Variants in CDC42BPA observed in about 807,000 individuals in gnomAD.
CDC42BPA encodes the protein serine/threonine-protein kinase MRCK alpha.
A neutral mutation model predicts 223.5 loss-of-function variants in CDC42BPA; 80 were observed. The observed-to-expected ratio is 0.36, with a 90% CI of 0.30 to 0.43. CDC42BPA has a LOEUF of 0.43. Ranked by LOEUF, CDC42BPA falls within the 20% of genes least tolerant of loss-of-function variation. The probability of loss-of-function intolerance (pLI) is 1.00; values close to 1 mark genes in which losing one functional copy is unlikely to be tolerated. For synonymous variants in CDC42BPA, 694 were observed against 718.6 expected (o/e 0.97, Z 0.55); for missense variants, 1,743 against 2,099.9 (o/e 0.83, Z 3.32).
chr1:227,288,680 AC>A (rs1167806996), intron 1 of CDC42BPA, among the ~76,000 whole-genome samples: 1 of 151,276 alleles, frequency 6.6e-6, no homozygotes, highest in Non-Finnish European at 1.5e-5. Flanking sequence ...TGGGTGACAG[AC>A]CAAGACTCGG....
At chr1:227,080,816 G>A (rs1680475100) in intron 17 of CDC42BPA, 77 bp downstream of exon 17, 2 of 1,505,740 alleles carry the variant, frequency 1.3e-6, no homozygotes, top group Non-Finnish European at 9.2e-7. Context: ...ACCATTATTA[G>A]TAGCCACCTG....
At chr1:227,033,461 G>GT (rs754009718) in intron 26 of CDC42BPA, 46 bp from the exon 27 acceptor site, 2 of 1,324,878 alleles carry the variant, frequency 1.5e-6, no homozygotes, top group Non-Finnish European at 2.2e-6. Flanking sequence ...GTGGCTATGT[G>GT]TGTGTGGTTT....
At chr1:227,224,243 T>G (rs1050334633) in intron 2 of CDC42BPA, among the ~76,000 whole-genome samples, 1 of 151,892 alleles carries the variant, frequency 6.6e-6, no homozygotes, top group African/African-American at 2.4e-5. Context: ...TCCTTTTTTT[T>G]TTTTTTTGAG....
intron 1 of CDC42BPA, among the ~76,000 whole-genome samples, chr1:227,265,550 AT>A (rs1421804208): frequency 2.6e-5 from 4 of 151,756 alleles, no homozygotes; most frequent in African/African-American, 9.7e-5. Flanking sequence ...TATCGCTTGA[AT>A]CCGGGAGGTG....
chr1:227,195,382 C>T (rs539690127), intron 4 of CDC42BPA, among the ~76,000 whole-genome samples: 59 of 152,182 alleles, frequency 3.9e-4, no homozygotes, highest in Non-Finnish European at 6.3e-4. Flanking sequence ...TTAGTAGAGA[C>T]GGGGTTTCAC....
At chr1:227,095,347 T>G (rs1683786757) in intron 15 of CDC42BPA, among the ~76,000 whole-genome samples, 1 of 152,150 alleles carries the variant, frequency 6.6e-6, no homozygotes, top group African/African-American at 2.4e-5. Flanking sequence ...AACCACAAAA[T>G]GATTCCTTGT....
chr1:227,189,707 GCAAATTTTTT>G (rs1669400666), intron 5 of CDC42BPA, among the ~76,000 whole-genome samples: 1 of 152,018 alleles, frequency 6.6e-6, no homozygotes, highest in Non-Finnish European at 1.5e-5. Context: ...AAACCTTTGT[GCAAATTTTTT>G]CATATGCGAG....
At position 227,187,688 on chromosome 1, in the gene CDC42BPA, C is replaced by G. The variant is rs28878186; in HGVS notation, c.599+6098G>C. The stretch of plus-strand genomic sequence containing the variant: ...ATAAATGGCACCCCCCACCCCCCCC[C>G]CAAAAAAAAAAAACTATACCTAGGC... On this transcript the variant is annotated intron_variant, in intron 5 of 36. Coordinates refer to ENST00000366766, the MANE Select transcript of CDC42BPA (RefSeq NM_001394014.1). Among the ~76,000 whole-genome samples, 170 of 72,734 alleles carry G rather than the reference C, an allele frequency of 2.3e-3. 6 individuals are homozygous for G. Among genetic ancestry groups the G allele is most frequent in the African/African-American group, 9.4e-3 (160 of 17,060 alleles). 47.7% of individuals were successfully genotyped at this position (72,734 alleles called of 152,430 possible). A position where few individuals can be genotyped will look rare whatever the true frequency, so the allele number is the denominator to read the frequency against.
At chr1:227,008,963 A>G (rs1170258908) in intron 34 of CDC42BPA, among the ~76,000 whole-genome samples, 1 of 152,246 alleles carries the variant, frequency 6.6e-6, no homozygotes, top group Non-Finnish European at 1.5e-5. Flanking sequence ...TGTAAGACGC[A>G]AGCAGCATGT....
chr1:227,288,852 G>C (rs1394962530), intron 1 of CDC42BPA, among the ~76,000 whole-genome samples: 1 of 151,568 alleles, frequency 6.6e-6, no homozygotes, highest in African/African-American at 2.4e-5. Context: ...AAATTGGCCA[G>C]GTGTGGTGGC....
chr1:227,237,238 G>A (rs976594683), intron 2 of CDC42BPA, among the ~76,000 whole-genome samples: 7 of 148,914 alleles, frequency 4.7e-5, no homozygotes, highest in African/African-American at 1.7e-4. Flanking sequence ...CATGAATTCA[G>A]CTCAATCTGG....
At chr1:227,289,517 A>C (rs1293029692) in intron 1 of CDC42BPA, among the ~76,000 whole-genome samples, 1 of 152,150 alleles carries the variant, frequency 6.6e-6, no homozygotes, top group African/African-American at 2.4e-5. Context: ...TTTTCTTTAT[A>C]GCTCTTACCA....
chr1:227,138,524 C>CAAAAAAAAAAAAAAAAAAAAA (rs61617075), intron 10 of CDC42BPA, among the ~76,000 whole-genome samples: 1 of 96,180 alleles, frequency 1.0e-5, no homozygotes, highest in Non-Finnish European at 2.0e-5. Flanking sequence ...CCCCAGAAGC[C>CAAAAAAAAAAAAAAAAAAAAA]AAAAAAAAAA....
At chr1:227,199,261 G>C (rs1228512752) in intron 4 of CDC42BPA, among the ~76,000 whole-genome samples, 2 of 152,256 alleles carry the variant, frequency 1.3e-5, no homozygotes, top group East Asian at 1.9e-4. Flanking sequence ...GAATGGTACT[G>C]GTGTTAAAGG....
intron 5 of CDC42BPA, among the ~76,000 whole-genome samples, chr1:227,191,648 A>G (rs573883546): frequency 1.3e-5 from 2 of 152,246 alleles, no homozygotes; most frequent in East Asian, 1.9e-4. Context: ...TCTCAATTCC[A>G]CAAGCCTAAG....
chr1:227,199,529 T>TAGAAA (rs1240296706), intron 4 of CDC42BPA, 28 bp downstream of exon 4: 1 of 1,186,556 alleles, frequency 8.4e-7, no homozygotes, highest in South Asian at 1.3e-5. Flanking sequence ...AAAAAAACAG[T>TAGAAA]ATATAGAAAT....
At chr1:227,125,594 C>T (rs1192621519) in intron 11 of CDC42BPA, among the ~76,000 whole-genome samples, 18 of 117,650 alleles carry the variant, frequency 1.5e-4, no homozygotes, top group African/African-American at 2.0e-4. Context: ...GAGACTCTGT[C>T]TACAAATTAA....
At chr1:227,312,421 C>T (rs1207438405) in intron 1 of CDC42BPA, among the ~76,000 whole-genome samples, 1 of 152,176 alleles carries the variant, frequency 6.6e-6, no homozygotes, top group Non-Finnish European at 1.5e-5. Flanking sequence ...CATAAAATTT[C>T]CAACATACTG....
chr1:227,276,653 A>G (rs1172558260), intron 1 of CDC42BPA, among the ~76,000 whole-genome samples: 1 of 152,252 alleles, frequency 6.6e-6, no homozygotes, highest in Non-Finnish European at 1.5e-5. Flanking sequence ...ATGTGGGGAA[A>G]GGAAAGAGAG....
Sources: gnomAD v4.1 joint callset for allele counts (sites outside exome capture counted in the v4.1 genomes callset) on GRCh38, gnomAD v4.1.1 for gene constraint, MANE v1.5 for transcripts, NCBI Gene and HGNC (gene_info 2026-07-23, HGNC 2026-07-21) for gene names.